The following RALYL variants were observed in gnomAD, a reference collection of about 807,000 sequenced individuals.
RALYL encodes the protein RALY RNA binding protein like.
Under a neutral mutation model 35.1 loss-of-function variants are expected in RALYL, and 29 were observed. The observed-to-expected ratio is 0.83, with a 90% CI of 0.61 to 1.13. RALYL has a LOEUF of 1.13. RALYL is among the 50% of genes most tolerant of loss of function. The pLI, the probability that RALYL is intolerant of heterozygous loss-of-function variation, is 0.00. For synonymous variants in RALYL, 120 were observed against 127.6 expected, an observed-to-expected ratio of 0.94 and a Z score of 0.40; for missense variants, 359 against 360.4, an observed-to-expected ratio of 1.00 and a Z score of 0.03.
chr8:84,346,444 G>A (rs750748553), intron 1 of RALYL, among the ~76,000 whole-genome samples: 1 of 152,224 alleles, frequency 6.6e-6, no homozygotes, highest in Non-Finnish European at 1.5e-5. Context: ...TATGCTAGTT[G>A]TAGGAAAGAT....
chr8:84,852,443 C>CTGT (rs1261938978), intron 5 of RALYL, among the ~76,000 whole-genome samples: 1 of 152,098 alleles, frequency 6.6e-6, no homozygotes, highest in African/African-American at 2.4e-5. Flanking sequence ...GATATCTAGA[C>CTGT]TGTTTTTATA....
chr8:84,789,368 A>T (rs1271524144), intron 3 of RALYL, among the ~76,000 whole-genome samples: 1 of 152,234 alleles, frequency 6.6e-6, no homozygotes, highest in African/African-American at 2.4e-5. Flanking sequence ...TCTTACTAAA[A>T]CTATCTACAA....
intron 1 of RALYL, among the ~76,000 whole-genome samples, chr8:84,483,347 ATCT>A (rs1166466727): frequency 6.6e-6 from 1 of 152,096 alleles, no homozygotes; most frequent in Admixed American, 6.6e-5. Context: ...TTTACTCTTC[ATCT>A]TCTTCTGGAG....
intron 1 of RALYL, among the ~76,000 whole-genome samples, chr8:84,420,703 C>A (rs888213532): frequency 3.3e-5 from 4 of 119,488 alleles, no homozygotes; most frequent in Admixed American, 2.6e-4. Flanking sequence ...ATCTTTAATC[C>A]ATCTTGAATT....
At chr8:84,265,510 A>T (rs1302663826) in intron 1 of RALYL, among the ~76,000 whole-genome samples, 1 of 152,192 alleles carries the variant, frequency 6.6e-6, no homozygotes, top group African/African-American at 2.4e-5. Context: ...CAGGGACCTC[A>T]GTGCTACACC....
At position 84,824,831 on chromosome 8, in the gene RALYL, C is replaced by G. The variant is rs1385433294; in HGVS notation, c.365+20029C>G. Among the ~76,000 whole-genome samples, 2 of 152,078 alleles carry G rather than the reference C, an allele frequency of 1.3e-5. 1 individual carries two copies. Among genetic ancestry groups the G allele is most frequent in the African/African-American group, 4.8e-5 (2 of 41,376 alleles). On this transcript the variant is annotated intron_variant, in intron 4 of 8. Coordinates refer to ENST00000521268, the MANE Select transcript of RALYL (RefSeq NM_173848.7). ...CCATATGCAGAAGAATGAATCTGGA[C>G]CCCTACCTTTCACCAGATACAAAAA...
rs764850044 is a variant in RALYL at position 84,887,654 on chromosome 8, T to C, written c.736T>C (p.Cys246Arg). 73 of 1,612,954 alleles carry C rather than the reference T, an allele frequency of 4.5e-5. No homozygotes were observed. The South Asian group carries it at 7.5e-4, about 17-fold the overall frequency. The change falls in exon 8 of 9, where the codon TGT (cysteine) becomes CGT (arginine). Residue 246 changes from cysteine to arginine, a missense_variant. By Grantham distance (180) the Cys-to-Arg change is radical. Coordinates refer to ENST00000521268, the MANE Select transcript of RALYL (RefSeq NM_173848.7). ...GAGTCTAGTGCTGATCCAAGAGGAA[T>C]GTGTGTCAGAGATTGCAGATCACTC... is the stretch of plus-strand genomic sequence containing the variant. Reference protein sequence around the residue: ...EESLVLIQEECVSEIADHSTE... With the variant: ...EESLVLIQEERVSEIADHSTE...
chr8:84,797,577 C>A (rs1246834837), intron 3 of RALYL, among the ~76,000 whole-genome samples: 1 of 151,896 alleles, frequency 6.6e-6, no homozygotes. Flanking sequence ...ATATTTGCAC[C>A]CACATTGGTC....
chr8:84,739,027 A>G (rs1243087764), intron 2 of RALYL, among the ~76,000 whole-genome samples: 1 of 152,066 alleles, frequency 6.6e-6, no homozygotes, highest in East Asian at 1.9e-4. Context: ...ATGACATTGG[A>G]AATTCCAACA....
At chr8:84,595,763 GTTT>G (rs35714907) in intron 2 of RALYL, among the ~76,000 whole-genome samples, 5 of 120,184 alleles carry the variant, frequency 4.2e-5, no homozygotes, top group African/African-American at 1.2e-4. Context: ...AAAACCATAA[GTTT>G]TTTTTTTTTT....
intron 1 of RALYL, among the ~76,000 whole-genome samples, chr8:84,306,935 T>C (rs1024389386): frequency 1.3e-5 from 2 of 152,150 alleles, no homozygotes; most frequent in African/African-American, 2.4e-5. Context: ...GTGCATTATA[T>C]GGCATGGGCT....
intron 2 of RALYL, among the ~76,000 whole-genome samples, chr8:84,722,973 T>C (rs1375884512): frequency 1.3e-5 from 2 of 151,886 alleles, no homozygotes; most frequent in Admixed American, 6.6e-5. Context: ...ACACAAAATA[T>C]CTACAATTTC....
chr8:84,360,684 G>A (rs1438068860), intron 1 of RALYL, among the ~76,000 whole-genome samples: 3 of 152,174 alleles, frequency 2.0e-5, no homozygotes, highest in Non-Finnish European at 2.9e-5. Context: ...GATTTATTGA[G>A]TGAGGTTGTA....
chr8:84,335,109 G>T (rs975538063), intron 1 of RALYL, among the ~76,000 whole-genome samples: 2 of 152,148 alleles, frequency 1.3e-5, no homozygotes, highest in Non-Finnish European at 2.9e-5. Flanking sequence ...CATCACTGTT[G>T]TTGCAGTGGC....
chr8:84,399,401 C>G (rs971780767), intron 1 of RALYL, among the ~76,000 whole-genome samples: 1 of 152,112 alleles, frequency 6.6e-6, no homozygotes, highest in Non-Finnish European at 1.5e-5. Context: ...CCAATAAGTG[C>G]AAACTCAAAA....
chr8:84,617,805 G>A (rs1233016869), intron 2 of RALYL, among the ~76,000 whole-genome samples: 22 of 151,678 alleles, frequency 1.5e-4, no homozygotes, highest in South Asian at 2.1e-4. Context: ...AGCATGAAGC[G>A]TTGTTGAATT....
intron 5 of RALYL, among the ~76,000 whole-genome samples, chr8:84,851,714 C>T (rs1457458188): frequency 2.0e-5 from 3 of 152,128 alleles, no homozygotes; most frequent in Admixed American, 6.5e-5. Flanking sequence ...GCCTCAGGTC[C>T]TTTCTCTGTG....
At chr8:84,420,384 G>C (rs915280720) in intron 1 of RALYL, among the ~76,000 whole-genome samples, 2 of 152,026 alleles carry the variant, frequency 1.3e-5, no homozygotes, top group Admixed American at 1.3e-4. Context: ...CCCACTTTTT[G>C]ATGGCGTTGT....
At chr8:84,423,405 G>A (rs1409568900) in intron 1 of RALYL, among the ~76,000 whole-genome samples, 20 of 151,176 alleles carry the variant, frequency 1.3e-4, no homozygotes, top group Non-Finnish European at 2.8e-4. Context: ...TTGCTTGGTA[G>A]ATCTTCCTCC....
Sources: allele counts gnomAD v4.1 joint callset (sites outside exome capture counted in the v4.1 genomes callset), GRCh38; gene constraint gnomAD v4.1.1; transcripts MANE v1.5; gene names NCBI Gene and HGNC (gene_info 2026-07-23, HGNC 2026-07-21).